The following CMTR1 variants were observed in gnomAD, a reference collection of about 807,000 sequenced individuals.
CMTR1 encodes the protein cap methyltransferase 1.
Under a neutral mutation model 107.0 loss-of-function variants are expected in CMTR1, and 39 were observed. That is an observed-to-expected ratio of 0.36 (90% CI 0.28 to 0.48). CMTR1 has a LOEUF of 0.48. Among genes scored for constraint, CMTR1 ranks in the 20% least tolerant of loss-of-function variants. The probability of loss-of-function intolerance (pLI) is 0.99; values close to 1 mark genes in which losing one functional copy is unlikely to be tolerated. For missense variants in CMTR1, 672 were observed against 1,064.9 expected, an observed-to-expected ratio of 0.63 and a Z score of 5.14; for synonymous variants, 366 against 379.5, an observed-to-expected ratio of 0.96 and a Z score of 0.41.
intron 2 of CMTR1, among the ~76,000 whole-genome samples, chr6:37,439,500 C>A (rs929530914): frequency 2.6e-5 from 4 of 152,208 alleles, no homozygotes; most frequent in African/African-American, 9.7e-5. Context: ...AGGTTTAATT[C>A]TTTCCTAAAT....
In CMTR1 at chr6:37,481,148, T is replaced by A. The variant is rs1020111925; in HGVS notation, c.*1003T>A. 2.3e-6 allele frequency: 3 copies of A among 1,303,676 alleles called. No homozygotes were observed. In the African/African-American group the frequency reaches 4.6e-5, roughly 20 times the overall value. The allele number at this position is 1,303,676 out of a possible 1,614,324, so 80.8% of individuals were successfully genotyped here. A position where few individuals can be genotyped will look rare whatever the true frequency, so the allele number is the denominator to read the frequency against. On this transcript the variant is annotated 3_prime_UTR_variant, in exon 24 of 24. Transcript: ENST00000373451. Reference sequence around the variant, plus strand: ...GGTACAATCTGCTTTTGTTTGTCGTTAAGTGGTCACTCCCATTTCCTTTAT... The same window carrying A: ...GGTACAATCTGCTTTTGTTTGTCGTAAAGTGGTCACTCCCATTTCCTTTAT...
intron 8 of CMTR1, among the ~76,000 whole-genome samples, chr6:37,456,303 G>A (rs1255655404): frequency 6.6e-6 from 1 of 152,180 alleles, no homozygotes; most frequent in Admixed American, 6.5e-5. Context: ...GTGTGCAAAT[G>A]AATATAATCC....
chr6:37,458,535 T>C lies in CMTR1; in HGVS notation c.778-77T>C. ...ACTTGCCGAAAGGCTTATTTTACTC[T>C]CCCTGCATTCTCCTTCCTGTTGCCC... On this transcript the variant is annotated intron_variant, in intron 8 of 23. Transcript: ENST00000373451. The surrounding 1 kb of genome is among the most constrained non-coding windows in gnomAD (Gnocchi z 4.7). The C allele has an allele frequency of 7.1e-7, 1 of 1,414,696 alleles. No homozygotes were observed. 87.6% of individuals were successfully genotyped at this position (1,414,696 alleles called of 1,614,324 possible).
Position 37,481,076 on chromosome 6 carries a change from G to A in CMTR1, c.*931G>A, listed in dbSNP as rs1438600819. ...CTTGGCAGAATTCTGAGCTTGAAGT[G>A]CAGCTCCCTTACTACCCTTTCCCTT... On this transcript the variant is annotated 3_prime_UTR_variant, in exon 24 of 24. Coordinates refer to ENST00000373451, the MANE Select transcript of CMTR1 (RefSeq NM_015050.3). 6 of 1,304,292 alleles carry A rather than the reference G, an allele frequency of 4.6e-6. No homozygotes were observed. The highest frequency in any genetic ancestry group is 4.5e-5 in the African/African-American group (3 of 65,976). 80.8% of individuals were successfully genotyped at this position (1,304,292 alleles called of 1,614,324 possible). A position where few individuals can be genotyped will look rare whatever the true frequency, so the allele number is the denominator to read the frequency against.
At chr6:37,469,892 G>A (rs923518630) in intron 13 of CMTR1, among the ~76,000 whole-genome samples, 12 of 149,960 alleles carry the variant, frequency 8.0e-5, no homozygotes, top group African/African-American at 3.0e-4. Context: ...TAAGCAGTTT[G>A]CTATTGTCCC....
chr6:37,450,791 C>A (rs1761137152), intron 5 of CMTR1, among the ~76,000 whole-genome samples: 1 of 152,206 alleles, frequency 6.6e-6, no homozygotes, highest in South Asian at 2.1e-4. Context: ...GAGGGCAGTT[C>A]TCAAAGTGTA....
At chr6:37,474,448 A>G in intron 17 of CMTR1, 76 bp from the exon 18 acceptor site, 2 of 1,566,954 alleles carry the variant, frequency 1.3e-6, no homozygotes, top group Admixed American at 3.5e-5. Flanking sequence ...GCCAACTAAA[A>G]GCTCTTTTGA....
chr6:37,458,924 C>A lies in CMTR1; in HGVS notation c.976+114C>A. Reference sequence around the variant, plus strand: ...ATATTTTCTTTCCTAGGTCTCTTACCCTGGGCTTCACAGTTCATGTCAGAA... The same window carrying A: ...ATATTTTCTTTCCTAGGTCTCTTACACTGGGCTTCACAGTTCATGTCAGAA... On this transcript the variant is annotated intron_variant, in intron 9 of 23. Transcript: ENST00000373451. The surrounding 1 kb of genome is among the most constrained non-coding windows in gnomAD (Gnocchi z 4.7). 1 of 948,492 alleles carries A rather than the reference C, an allele frequency of 1.1e-6. No individual in the cohort carries two copies. The highest frequency in any genetic ancestry group is 1.6e-6 in the Non-Finnish European group (1 of 634,888). 58.8% of individuals were successfully genotyped at this position (948,492 alleles called of 1,614,324 possible). A position where few individuals can be genotyped will look rare whatever the true frequency, so the allele number is the denominator to read the frequency against.
chr6:37,472,871 C>T lies in CMTR1; in HGVS notation c.1689+384C>T, dbSNP rs1012675405. 6.6e-5 allele frequency among the ~76,000 whole-genome samples: 10 copies of T among 152,138 alleles called. No homozygotes were observed. Among genetic ancestry groups the T allele is most frequent in the South Asian group, 2.1e-4 (1 of 4,830 alleles). The stretch of plus-strand genomic sequence containing the variant: ...GGTGAAGGGAGCTGCCAGGGAAGCC[C>T]GCAGCAGGGTTGGCCTAACCCCAGG... On this transcript the variant is annotated intron_variant, in intron 16 of 23. Coordinates refer to ENST00000373451, the MANE Select transcript of CMTR1 (RefSeq NM_015050.3). This position sits in a 1 kb window ranked among gnomAD's most constrained non-coding sequence, Gnocchi z 4.1.
chr6:37,454,741 C>T (rs1415306234), intron 8 of CMTR1, among the ~76,000 whole-genome samples: 1 of 152,162 alleles, frequency 6.6e-6, no homozygotes, highest in Non-Finnish European at 1.5e-5. Context: ...TTAGTGGCCA[C>T]GGAGAATTGC....
At position 37,453,825 on chromosome 6, in the gene CMTR1, C is replaced by T. The variant is rs1054909727; in HGVS notation, c.777+513C>T. 2.0e-4 allele frequency among the ~76,000 whole-genome samples: 30 copies of T among 152,288 alleles called. No homozygotes were observed. In the South Asian group the frequency reaches 5.0e-3, roughly 25 times the overall value. Reference sequence around the variant, plus strand: ...TTAAGTTTATACCTTCTTTGGGCCTCAGCTCCCTCATTCTGAAATGAGCCG... The same window carrying T: ...TTAAGTTTATACCTTCTTTGGGCCTTAGCTCCCTCATTCTGAAATGAGCCG... On this transcript the variant is annotated intron_variant, in intron 8 of 23. Transcript: ENST00000373451.
chr6:37,424,644 T>C, the CMTR1 span, among the ~76,000 whole-genome samples: 1 of 152,278 alleles, frequency 6.6e-6, no homozygotes, highest in Non-Finnish European at 1.5e-5. Flanking sequence ...CAAACCAAAG[T>C]TAAAATAATA....
In CMTR1 at chr6:37,438,341, C is replaced by T. The variant is rs147003899; in HGVS notation, c.133+2579C>T. 4.2e-3 allele frequency among the ~76,000 whole-genome samples: 635 copies of T among 151,960 alleles called. 5 individuals carry two copies. The highest frequency in any genetic ancestry group is 0.014 in the African/African-American group (560 of 41,426). ...GTTGCACTGAGCCAAGATTATGCCA[C>T]TGCACTCCAGCCTGGGCATCAGAAC... On this transcript the variant is annotated intron_variant, in intron 2 of 23. Coordinates refer to ENST00000373451, the MANE Select transcript of CMTR1 (RefSeq NM_015050.3).
At chr6:37,432,522 G>A (rs1005848822), upstream of CMTR1, among the ~76,000 whole-genome samples, 2 of 152,178 alleles carry the variant, frequency 1.3e-5, no homozygotes, top group Admixed American at 1.3e-4. Flanking sequence ...AGACAATTAG[G>A]AGGTAAGCGC....
the CMTR1 span, among the ~76,000 whole-genome samples, chr6:37,424,328 C>T: frequency 2.6e-5 from 4 of 151,342 alleles, no homozygotes; most frequent in South Asian, 2.1e-4. Flanking sequence ...CTGCAAGCTG[C>T]GCCTCCTGGG....
chr6:37,441,672 C>T (rs1177431735), intron 2 of CMTR1, among the ~76,000 whole-genome samples: 3 of 152,208 alleles, frequency 2.0e-5, no homozygotes, highest in African/African-American at 4.8e-5. Context: ...CCTCGCCTCC[C>T]AAATGTTGGG....
intron 13 of CMTR1, among the ~76,000 whole-genome samples, chr6:37,465,831 TG>T (rs869112398): frequency 1.0e-4 from 1 of 9,532 alleles, no homozygotes; most frequent in African/African-American, 1.4e-3. Flanking sequence ...TTTGTTTGTT[TG>T]TTGTTGTTGT....
Position 37,480,420 on chromosome 6 carries a change from G to GTT in CMTR1, c.*276_*277insTT. ...TGCTCCTGAGGCAGGTATGAGGTCA[G>GTT]TGCCTAGGGCACGTGGGACTGATGG... On this transcript the variant is annotated 3_prime_UTR_variant, in exon 24 of 24. Coordinates refer to ENST00000373451, the MANE Select transcript of CMTR1 (RefSeq NM_015050.3). The GTT allele has an allele frequency of 7.8e-7, 1 of 1,279,134 alleles. No homozygotes were observed. The highest frequency in any genetic ancestry group is 1.9e-5 in the South Asian group (1 of 53,102). The allele number at this position is 1,279,134 out of a possible 1,614,324, so 79.2% of individuals were successfully genotyped here.
intron 11 of CMTR1, 138 bp from the exon 12 acceptor site, chr6:37,461,832 C>T (rs1761408062): frequency 6.0e-6 from 6 of 1,007,944 alleles, no homozygotes; most frequent in Non-Finnish European, 8.9e-6. Flanking sequence ...AGATGGTTCT[C>T]CCCCTTAAAT....
Sources: gnomAD v4.1 joint callset for allele counts (sites outside exome capture counted in the v4.1 genomes callset) on GRCh38, gnomAD v4.1.1 for gene constraint, Gnocchi (gnomAD v3.1) non-coding constraint, MANE v1.5 for transcripts, NCBI Gene and HGNC (gene_info 2026-07-23, HGNC 2026-07-21) for gene names.